The following TLL1 variants were observed in gnomAD, a reference collection of about 807,000 sequenced individuals.
TLL1 encodes tolloid like 1.
TLL1 carries 49 observed loss-of-function variants against 128.2 expected under a neutral mutation model. That is an observed-to-expected ratio of 0.38 (90% confidence interval 0.30 to 0.48). The LOEUF is 0.48. Among genes scored for constraint, TLL1 ranks in the 20% least tolerant of loss-of-function variants. The pLI is 0.96. For synonymous variants in TLL1, 454 were observed against 418.8 expected, an observed-to-expected ratio of 1.08 and a Z score of -1.03; for missense variants, 1,123 against 1,242.0, an observed-to-expected ratio of 0.90 and a Z score of 1.44.
At chr4:166,043,127 C>A in intron 11 of TLL1, 147 bp from the exon 12 acceptor site, 1 of 967,266 alleles carries the variant, frequency 1.0e-6, no homozygotes, top group Non-Finnish European at 1.6e-6. Context: ...ATATTTGCTA[C>A]ATTACAACCA....
chr4:166,007,041 T>A (rs1250578338), intron 6 of TLL1, among the ~76,000 whole-genome samples: 2 of 151,736 alleles, frequency 1.3e-5, no homozygotes, highest in Non-Finnish European at 3.0e-5. Context: ...TTCCTTTAGC[T>A]CATCTTTCTT....
intron 9 of TLL1, among the ~76,000 whole-genome samples, chr4:166,032,161 T>C (rs1738797820): frequency 6.6e-6 from 1 of 152,010 alleles, no homozygotes; most frequent in African/African-American, 2.4e-5. Flanking sequence ...TAAAAACAAA[T>C]ATATTAAAAT....
At chr4:166,060,233 T>A (rs765650871) in intron 15 of TLL1, 45 bp downstream of exon 15, 1 of 1,586,526 alleles carries the variant, frequency 6.3e-7, no homozygotes, top group South Asian at 1.1e-5. Context: ...GTTTTGGAAC[T>A]CCCTGAAGGC....
At chr4:166,063,753 A>C (rs1740444516) in intron 15 of TLL1, among the ~76,000 whole-genome samples, 2 of 152,150 alleles carry the variant, frequency 1.3e-5, no homozygotes, top group Admixed American at 6.5e-5. Flanking sequence ...AGAAAACCAA[A>C]CACTGCATGC....
intron 16 of TLL1, among the ~76,000 whole-genome samples, chr4:166,070,701 A>G (rs550508135): frequency 2.0e-5 from 3 of 152,002 alleles, no homozygotes; most frequent in Non-Finnish European, 2.9e-5. Context: ...GTGCATTGCA[A>G]TCTGTCTAGC....
At chr4:166,041,394 G>A (rs562367155) in intron 10 of TLL1, among the ~76,000 whole-genome samples, 62 of 150,804 alleles carry the variant, frequency 4.1e-4, no homozygotes, top group African/African-American at 1.2e-3. Flanking sequence ...TCTGCCTCTC[G>A]GACTCAAGCG....
At chr4:165,922,627 A>T (rs1436710343) in intron 1 of TLL1, among the ~76,000 whole-genome samples, 1 of 152,244 alleles carries the variant, frequency 6.6e-6, no homozygotes, top group African/African-American at 2.4e-5. Flanking sequence ...GCATATCAAT[A>T]ATAAGTAATA....
At position 166,055,264 on chromosome 4, in the gene TLL1, T is replaced by C. The variant is rs1298819396; in HGVS notation, c.1713T>C (p.Phe571=). 1.2e-6 allele frequency: 2 copies of C among 1,613,482 alleles called. No individual in the cohort carries two copies. The highest frequency in any genetic ancestry group is 1.3e-5 in the African/African-American group (1 of 75,026). ...ACAAAGCAGGGTTTGCTGCTAACTT[T>C]TTTAAAGGTAATTTGAAATAATTTT... ...TVNKAGFAAN[F]FKEEDECAKP... Residue 571 remains phenylalanine, a synonymous_variant, in exon 13 of 21, where the codon TTT becomes TTC. Coordinates refer to ENST00000061240, the MANE Select transcript of TLL1 (RefSeq NM_012464.5).
In TLL1 at chr4:166,043,413, C is replaced by T; in HGVS notation, c.1518C>T (p.Ser506=). The change falls in exon 12 of 21, where the codon TCC becomes TCT. Residue 506 remains serine (S), a synonymous_variant. Coordinates refer to ENST00000061240, the MANE Select transcript of TLL1 (RefSeq NM_012464.5). ...ACCACGTCGGGCTGACCTTTCAGTC[C>T]TTTGAGGTAAAGTCTTTTAGGCTAT... The part of the protein sequence containing the change: ...ESYHVGLTFQ[S]FEIERHDNCA... The T allele has an allele frequency of 2.5e-6, 4 of 1,613,986 alleles. No individual in the cohort carries two copies. The highest frequency in any genetic ancestry group is 3.4e-6 in the Non-Finnish European group (4 of 1,179,906).
intron 6 of TLL1, 141 bp downstream of exon 6, chr4:166,003,710 C>A (rs1737271312): frequency 1.2e-6 from 1 of 864,700 alleles, no homozygotes; most frequent in African/African-American, 1.7e-5. Flanking sequence ...GATTAAAAAT[C>A]ACCCATGATG....
chr4:165,989,590 T>TTCCTATACA, intron 2 of TLL1, 99 bp downstream of exon 2: 1 of 851,440 alleles, frequency 1.2e-6, no homozygotes, highest in East Asian at 2.4e-5. Flanking sequence ...CTCCTGTTGA[T>TTCCTATACA]CAACTCTGAC....
At chr4:166,033,432 A>G (rs1738862387) in intron 9 of TLL1, among the ~76,000 whole-genome samples, 1 of 152,168 alleles carries the variant, frequency 6.6e-6, no homozygotes, top group Admixed American at 6.6e-5. Context: ...ATATAAGAAA[A>G]TGATGCTTAT....
intron 12 of TLL1, 26 bp from the exon 13 acceptor site, chr4:166,055,050 T>C (rs764652958): frequency 2.5e-6 from 4 of 1,594,214 alleles, no homozygotes; most frequent in Non-Finnish European, 3.4e-6. Context: ...TAAACATATA[T>C]TTTCACATAT....
Position 165,994,417 on chromosome 4 carries a change from C to T in TLL1, c.398C>T (p.Pro133Leu), listed in dbSNP as rs868789121. Reference protein sequence around the residue: ...EQNNTVKGKVPLQFSGQNEKN... With the variant: ...EQNNTVKGKVLLQFSGQNEKN... ...AACAACACAGTTAAGGGAAAAGTAC[C>T]TCTACAATTCTCAGGGCAAAATGAG... The change falls in exon 4 of 21, where the codon CCT becomes CTT. Residue 133 changes from proline to leucine, a missense_variant. Around this residue, in one of 3 missense-constraint regions of TLL1, gnomAD observed 480 missense variants for 542.4 expected, o/e 0.89. Transcript: ENST00000061240. 2 of 1,613,954 alleles carry T rather than the reference C, an allele frequency of 1.2e-6. No individual in the cohort carries two copies. The highest frequency in any genetic ancestry group is 2.2e-5 in the South Asian group (2 of 91,074).
intron 19 of TLL1, among the ~76,000 whole-genome samples, chr4:166,093,810 G>A (rs569522183): frequency 6.6e-6 from 1 of 152,238 alleles, no homozygotes; most frequent in African/African-American, 2.4e-5. Flanking sequence ...AGAGAATGGC[G>A]ATGACTTTTA....
chr4:166,097,385 T>C (rs1742074138), intron 19 of TLL1, among the ~76,000 whole-genome samples: 1 of 152,116 alleles, frequency 6.6e-6, no homozygotes, highest in African/African-American at 2.4e-5. Context: ...TAGTGGCACC[T>C]CTATCAGTAG....
chr4:166,074,904 G>A lies in TLL1; in HGVS notation c.2215G>A (p.Gly739Ser). 1.2e-6 allele frequency: 2 copies of A among 1,613,532 alleles called. No individual in the cohort carries two copies. Among genetic ancestry groups the A allele is most frequent in the Non-Finnish European group, 1.7e-6 (2 of 1,179,624 alleles). The change falls in exon 17 of 21, where the codon GGT becomes AGT. Residue 739 changes from glycine (G) to serine (S), a missense_variant. Around this residue, in one of 3 missense-constraint regions of TLL1, gnomAD observed 634 missense variants for 672.4 expected, o/e 0.94. Transcript: ENST00000061240. ...SDKDECSKDNGGCQHECVNTM... is the reference protein window; with the variant it reads ...SDKDECSKDNSGCQHECVNTM... Reference sequence around the variant, plus strand: ...CAAAGATGAATGCTCTAAGGATAATGGTGGATGTCAGCACGAATGTGTCAA... The same window carrying A: ...CAAAGATGAATGCTCTAAGGATAATAGTGGATGTCAGCACGAATGTGTCAA...
chr4:166,001,964 C>T (rs1319502656), intron 5 of TLL1, among the ~76,000 whole-genome samples: 1 of 152,096 alleles, frequency 6.6e-6, no homozygotes, highest in African/African-American at 2.4e-5. Context: ...GCTCATTTGA[C>T]ACAAATCATA....
intron 16 of TLL1, among the ~76,000 whole-genome samples, chr4:166,073,593 A>G (rs1740888019): frequency 2.0e-5 from 3 of 152,164 alleles, no homozygotes; most frequent in Admixed American, 2.0e-4. Flanking sequence ...TACACTAATT[A>G]TGATATATTC....
Sources: gnomAD v4.1 joint callset for allele counts (sites outside exome capture counted in the v4.1 genomes callset) on GRCh38, gnomAD v4.1.1 for gene constraint, gnomAD v4.1.1 regional missense constraint, MANE v1.5 for transcripts, NCBI Gene and HGNC (gene_info 2026-07-23, HGNC 2026-07-21) for gene names.